AFF3: variants seen among roughly 807,000 people sequenced by gnomAD.
AFF3 encodes the protein AF4/FMR2 family member 3.
In AFF3, 32 loss-of-function variants were observed where a neutral mutation model predicts 129.7. That is an observed-to-expected ratio of 0.25 (90% CI 0.19 to 0.33). The LOEUF (loss-of-function observed/expected upper bound fraction) is 0.33. AFF3 is among the 10% of genes least tolerant of loss of function. AFF3 has a pLI of 1.00. For missense variants in AFF3, 1,373 were observed against 1,592.0 expected, an observed-to-expected ratio of 0.86 and a Z score of 2.34; for synonymous variants, 644 against 635.4, an observed-to-expected ratio of 1.01 and a Z score of -0.20.
intron 20 of AFF3, among the ~76,000 whole-genome samples, chr2:99,563,163 T>G (rs902481348): frequency 3.3e-5 from 5 of 151,622 alleles, no homozygotes; most frequent in African/African-American, 9.7e-5. Flanking sequence ...GGGTGGGCAA[T>G]GTGCGGATGT....
chr2:100,041,384 G>A (rs115182852), intron 4 of AFF3, among the ~76,000 whole-genome samples: 1 of 152,172 alleles, frequency 6.6e-6, no homozygotes, highest in South Asian at 2.1e-4. Context: ...TTTTAATTCT[G>A]GAGTGCTAAG....
At chr2:99,937,379 T>C (rs994379184) in intron 7 of AFF3, among the ~76,000 whole-genome samples, 5 of 151,850 alleles carry the variant, frequency 3.3e-5, no homozygotes, top group Non-Finnish European at 5.9e-5. Flanking sequence ...ATAAAGGCCA[T>C]AGAATTTAAA....
chr2:99,664,923 A>G (rs1420168488), intron 12 of AFF3, among the ~76,000 whole-genome samples: 4 of 152,250 alleles, frequency 2.6e-5, no homozygotes, highest in Non-Finnish European at 5.9e-5. Flanking sequence ...TGTGAGACGG[A>G]CTAACTGGGA....
intron 7 of AFF3, among the ~76,000 whole-genome samples, chr2:99,962,678 C>A (rs915430810): frequency 4.0e-5 from 6 of 151,630 alleles, no homozygotes; most frequent in African/African-American, 1.5e-4. Flanking sequence ...AATCAGTGAA[C>A]CTGAAGACAT....
chr2:100,026,927 G>C (rs1000216725), intron 4 of AFF3, among the ~76,000 whole-genome samples: 11 of 151,788 alleles, frequency 7.2e-5, no homozygotes, highest in Non-Finnish European at 1.2e-4. Context: ...TGGGGACTTG[G>C]GGGGAAGGGT....
intron 4 of AFF3, among the ~76,000 whole-genome samples, chr2:100,014,626 A>G (rs549546939): frequency 8.7e-4 from 133 of 152,256 alleles, no homozygotes; most frequent in Non-Finnish European, 1.6e-3. Context: ...TTCCTGCAGG[A>G]GACCAGCTTT....
At chr2:99,786,235 C>G (rs1400097641) in intron 8 of AFF3, among the ~76,000 whole-genome samples, 1 of 152,186 alleles carries the variant, frequency 6.6e-6, no homozygotes, top group Non-Finnish European at 1.5e-5. Context: ...TTTAATCCCT[C>G]AGGCTCAGTT....
intron 4 of AFF3, among the ~76,000 whole-genome samples, chr2:100,099,396 C>T (rs1336032302): frequency 6.6e-6 from 1 of 152,210 alleles, no homozygotes; most frequent in Non-Finnish European, 1.5e-5. Context: ...GCAAAAGCAT[C>T]AGCGGGCACT....
chr2:99,602,152 AGACGAAGG>A (rs1679897982), intron 13 of AFF3, among the ~76,000 whole-genome samples: 1 of 152,192 alleles, frequency 6.6e-6, no homozygotes, highest in Non-Finnish European at 1.5e-5. Context: ...AAGGTTCCAG[AGACGAAGG>A]GACTGTCCAA....
intron 13 of AFF3, among the ~76,000 whole-genome samples, chr2:99,615,355 C>T (rs986556006): frequency 3.3e-5 from 5 of 152,250 alleles, no homozygotes; most frequent in Non-Finnish European, 5.9e-5. Context: ...CTGCACTTCC[C>T]GCCTGTCCTG....
Position 99,554,698 on chromosome 2 carries a change from C to G in AFF3, c.3320G>C (p.Trp1107Ser), listed in dbSNP as rs779798625. The G allele has an allele frequency of 6.2e-7, 1 of 1,614,204 alleles. No individual in the cohort carries two copies. Among genetic ancestry groups the G allele is most frequent in the Non-Finnish European group, 8.5e-7 (1 of 1,180,024 alleles). Residue 1107 changes from tryptophan (W) to serine (S), a missense_variant, in exon 23 of 25, where the codon TGG becomes TCG. By Grantham distance (177) the Trp-to-Ser change is radical. Coordinates refer to ENST00000672756, the MANE Select transcript of AFF3 (RefSeq NM_001386135.1). The stretch of plus-strand genomic sequence containing the variant: ...GCGAACTTACTTTCCACTGGCCCCC[C>G]ACGGAGATGGGGCTTGGGCGGCTTT... The part of the protein sequence containing the change: ...SSKAAQAPSP[W>S]GASGKSTGTP...
chr2:99,722,104 T>C (rs1304381918), intron 11 of AFF3, among the ~76,000 whole-genome samples: 1 of 152,236 alleles, frequency 6.6e-6, no homozygotes. Flanking sequence ...GTTATTCTTA[T>C]TGGTTTCCAT....
intron 13 of AFF3, among the ~76,000 whole-genome samples, chr2:99,612,199 C>A (rs539954812): frequency 1.3e-5 from 2 of 152,192 alleles, no homozygotes; most frequent in Admixed American, 1.3e-4. Context: ...AACATCTTGT[C>A]CCAGAACAGG....
At chr2:100,105,895 A>C in intron 2 of AFF3, 1 of 1,331,230 alleles carries the variant, frequency 7.5e-7, no homozygotes, top group Non-Finnish European at 1.0e-6. Flanking sequence ...CCCCGCCAAA[A>C]GGGAGTCCCT....
At chr2:100,028,970 G>A (rs564787752) in intron 4 of AFF3, among the ~76,000 whole-genome samples, 2 of 152,220 alleles carry the variant, frequency 1.3e-5, no homozygotes, top group East Asian at 1.9e-4. Context: ...ACACCCCCAC[G>A]TCCACAGCAG....
At chr2:99,996,944 G>A (rs1680898166) in intron 7 of AFF3, among the ~76,000 whole-genome samples, 1 of 151,826 alleles carries the variant, frequency 6.6e-6, no homozygotes, top group Non-Finnish European at 1.5e-5. Flanking sequence ...CCCTTTCCTC[G>A]TGGCTTCCCG....
At chr2:99,697,556 T>C (rs6542887) in intron 11 of AFF3, among the ~76,000 whole-genome samples, 10,914 of 152,298 alleles carry the variant, frequency 0.072, 460 homozygotes, top group East Asian at 0.11. Flanking sequence ...CTGTTAACAG[T>C]AATTCTTTAT....
chr2:99,901,270 C>T (rs1456384754), intron 7 of AFF3, among the ~76,000 whole-genome samples: 1 of 152,194 alleles, frequency 6.6e-6, no homozygotes, highest in Non-Finnish European at 1.5e-5. Context: ...TATTTTGAGC[C>T]TGCTCTTTCT....
At chr2:99,634,028 C>T (rs1401162822) in intron 13 of AFF3, among the ~76,000 whole-genome samples, 3 of 150,626 alleles carry the variant, frequency 2.0e-5, no homozygotes, top group African/African-American at 7.3e-5. Flanking sequence ...GATTCTCCTG[C>T]CTCAACCTCC....
Sources: gnomAD v4.1 joint callset for allele counts (sites outside exome capture counted in the v4.1 genomes callset) on GRCh38, gnomAD v4.1.1 for gene constraint, MANE v1.5 for transcripts, NCBI Gene and HGNC (gene_info 2026-07-23, HGNC 2026-07-21) for gene names.